DPP10: variants seen among roughly 807,000 people sequenced by gnomAD.
DPP10 encodes dipeptidyl peptidase like 10, also known as inactive dipeptidyl peptidase 10.
Under a neutral mutation model 120.9 loss-of-function variants are expected in DPP10, and 33 were observed. The ratio of observed to expected loss-of-function variants is 0.27; its 90% CI spans 0.21 to 0.37. DPP10 has a LOEUF of 0.37. DPP10 is among the 10% of genes least tolerant of loss of function. The pLI, the probability that DPP10 is intolerant of heterozygous loss-of-function variation, is 1.00. For synonymous variants in DPP10, 337 were observed against 326.1 expected (o/e 1.03, Z -0.36); for missense variants, 816 against 942.8 (o/e 0.87, Z 1.76).
intron 8 of DPP10, among the ~76,000 whole-genome samples, chr2:115,731,401 C>T (rs1342583285): frequency 6.6e-6 from 1 of 150,628 alleles, no homozygotes; most frequent in Non-Finnish European, 1.5e-5. Flanking sequence ...GTAGCACATA[C>T]CTGTGTTCCC....
intron 1 of DPP10, among the ~76,000 whole-genome samples, chr2:115,087,538 CTTTTTTT>C (rs56685721): frequency 1.0e-5 from 1 of 99,236 alleles, no homozygotes; most frequent in African/African-American, 4.1e-5. Context: ...CTTTTCTTTT[CTTTTTTT>C]TTTTTTTTTT....
chr2:115,464,330 A>G (rs2074172594), intron 3 of DPP10, among the ~76,000 whole-genome samples: 1 of 152,116 alleles, frequency 6.6e-6, no homozygotes. Context: ...TTCTACCTTG[A>G]CAAAAATATC....
intron 1 of DPP10, among the ~76,000 whole-genome samples, chr2:114,821,013 G>T (rs1227982061): frequency 6.6e-6 from 1 of 152,200 alleles, no homozygotes; most frequent in Non-Finnish European, 1.5e-5. Flanking sequence ...AGAAGGAAGT[G>T]GGGAGAAAGA....
intron 1 of DPP10, among the ~76,000 whole-genome samples, chr2:114,743,685 A>C (rs543519435): frequency 6.6e-6 from 1 of 152,308 alleles, no homozygotes; most frequent in African/African-American, 2.4e-5. Flanking sequence ...CTATAAAATA[A>C]AGATTGTATA....
intron 1 of DPP10, among the ~76,000 whole-genome samples, chr2:115,233,166 T>C (rs915835082): frequency 3.9e-5 from 6 of 152,038 alleles, no homozygotes; most frequent in African/African-American, 1.4e-4. Flanking sequence ...AATAGAATGA[T>C]CTTTCATCTA....
intron 1 of DPP10, among the ~76,000 whole-genome samples, chr2:115,244,809 A>T (rs745691588): frequency 4.7e-5 from 7 of 150,448 alleles, no homozygotes; most frequent in Non-Finnish European, 7.4e-5. Context: ...GTGTGTATAT[A>T]CATGTGTATA....
intron 1 of DPP10, chr2:115,162,414 C>G (rs1403052977): frequency 1.6e-6 from 2 of 1,240,036 alleles, no homozygotes; most frequent in Admixed American, 3.3e-5. Context: ...CGGCCGCTCA[C>G]CGGGTTCGAG....
chr2:115,614,754 A>G (rs2084368227), intron 5 of DPP10, among the ~76,000 whole-genome samples: 1 of 152,226 alleles, frequency 6.6e-6, no homozygotes, highest in African/African-American at 2.4e-5. Context: ...CTAAAAGGCA[A>G]TTGGCAACCA....
intron 1 of DPP10, among the ~76,000 whole-genome samples, chr2:115,020,697 T>C (rs1703008935): frequency 6.6e-6 from 1 of 151,966 alleles, no homozygotes; most frequent in Admixed American, 6.6e-5. Context: ...TACCCAACAA[T>C]TGCAGAATAT....
At chr2:115,686,675 A>G (rs902507445) in intron 5 of DPP10, among the ~76,000 whole-genome samples, 1 of 151,996 alleles carries the variant, frequency 6.6e-6, no homozygotes, top group Non-Finnish European at 1.5e-5. Context: ...TGAGTCTCCT[A>G]ATACTTTTCT....
intron 5 of DPP10, among the ~76,000 whole-genome samples, chr2:115,615,518 A>G (rs1464193861): frequency 6.6e-6 from 1 of 152,194 alleles, no homozygotes; most frequent in Non-Finnish European, 1.5e-5. Context: ...TGTATTCTCA[A>G]GTAGCTGCAG....
chr2:115,362,329 A>G (rs2064832208), intron 3 of DPP10, among the ~76,000 whole-genome samples: 1 of 152,200 alleles, frequency 6.6e-6, no homozygotes, highest in Non-Finnish European at 1.5e-5. Context: ...TTAGTTTATT[A>G]TATCTAATGT....
At chr2:115,213,002 G>T (rs1043285239) in intron 1 of DPP10, among the ~76,000 whole-genome samples, 1 of 152,074 alleles carries the variant, frequency 6.6e-6, no homozygotes, top group African/African-American at 2.4e-5. Flanking sequence ...GATTGGCCCT[G>T]CCCATTAATA....
At chr2:114,862,287 A>T (rs1051501285) in intron 1 of DPP10, among the ~76,000 whole-genome samples, 2 of 151,810 alleles carry the variant, frequency 1.3e-5, no homozygotes, top group South Asian at 2.1e-4. Flanking sequence ...AAAAAAAAAT[A>T]AAAAAGGACT....
intron 1 of DPP10, chr2:114,462,042 C>A: frequency 2.0e-6 from 2 of 985,328 alleles, no homozygotes; most frequent in Non-Finnish European, 2.4e-6. Context: ...TGAGAGAAAA[C>A]TGGAGCAGAG....
intron 5 of DPP10, among the ~76,000 whole-genome samples, chr2:115,611,266 G>C (rs779829547): frequency 8.6e-5 from 13 of 152,036 alleles, no homozygotes; most frequent in Non-Finnish European, 1.5e-4. Flanking sequence ...TTTCCTCCTG[G>C]ATACATAATT....
At chr2:115,452,856 A>G (rs1359173356) in intron 3 of DPP10, among the ~76,000 whole-genome samples, 2 of 151,900 alleles carry the variant, frequency 1.3e-5, no homozygotes, top group Non-Finnish European at 2.9e-5. Context: ...AGTAGGTCAG[A>G]TTCTCCATAT....
At chr2:114,480,669 G>A (rs1055002686) in intron 1 of DPP10, among the ~76,000 whole-genome samples, 1 of 135,994 alleles carries the variant, frequency 7.4e-6, no homozygotes, top group Non-Finnish European at 1.5e-5. Context: ...AGAACACATG[G>A]ACACAGGAAG....
chr2:115,777,430 T>C, intron 14 of DPP10, 131 bp downstream of exon 14: 1 of 760,402 alleles, frequency 1.3e-6, no homozygotes. Context: ...TAACCTTTCT[T>C]TAAAGACCTC....
Sources: gnomAD v4.1 joint callset for allele counts (sites outside exome capture counted in the v4.1 genomes callset) on GRCh38, gnomAD v4.1.1 for gene constraint, MANE v1.5 for transcripts, NCBI Gene and HGNC (gene_info 2026-07-23, HGNC 2026-07-21) for gene names.